CD1B: variants seen among roughly 807,000 people sequenced by gnomAD.
The protein encoded by CD1B is CD1b molecule.
CD1B carries 43 observed loss-of-function variants against 39.8 expected under a neutral mutation model. The observed-to-expected ratio is 1.08, with a 90% CI of 0.85 to 1.39. The LOEUF is 1.39. CD1B is among the 40% of genes most tolerant of loss of function. The pLI is 0.00. For synonymous variants in CD1B, 192 were observed against 152.5 expected, an observed-to-expected ratio of 1.26 and a Z score of -1.91; for missense variants, 495 against 403.8, an observed-to-expected ratio of 1.23 and a Z score of -1.94.
chr1:158,304,059 G>A, the CD1B span, among the ~76,000 whole-genome samples: 17 of 152,152 alleles, frequency 1.1e-4, no homozygotes, highest in Non-Finnish European at 2.1e-4. Context: ...TGAGGTACCC[G>A]GCTCATCTCA....
At chr1:158,308,877 C>G in the CD1B span, among the ~76,000 whole-genome samples, 2 of 152,100 alleles carry the variant, frequency 1.3e-5, no homozygotes, top group African/African-American at 4.8e-5. Flanking sequence ...CCGTAAAAAC[C>G]CTAGAAGAAA....
At chr1:158,322,756 C>A in the CD1B span, among the ~76,000 whole-genome samples, 2 of 152,104 alleles carry the variant, frequency 1.3e-5, no homozygotes, top group Non-Finnish European at 2.9e-5. Flanking sequence ...TTCTGAAGGA[C>A]ATATTTGCCA....
chr1:158,299,591 A>G, the CD1B span, among the ~76,000 whole-genome samples: 1 of 152,150 alleles, frequency 6.6e-6, no homozygotes, highest in Non-Finnish European at 1.5e-5. Flanking sequence ...CTTTAGTAGA[A>G]TTTGTCTGTG....
the CD1B span, among the ~76,000 whole-genome samples, chr1:158,312,685 T>G: frequency 6.6e-6 from 1 of 152,242 alleles, no homozygotes; most frequent in Non-Finnish European, 1.5e-5. Flanking sequence ...ATATTACTGC[T>G]TTTTGTATAT....
the CD1B span, chr1:158,292,536 T>G: frequency 9.6e-6 from 15 of 1,559,998 alleles, no homozygotes; most frequent in Admixed American, 1.7e-5. Flanking sequence ...TGGATGTGTG[T>G]ATGTGGATGT....
chr1:158,313,564 C>T, the CD1B span, among the ~76,000 whole-genome samples: 2 of 152,200 alleles, frequency 1.3e-5, no homozygotes, highest in African/African-American at 2.4e-5. Flanking sequence ...CCCTCCTTGG[C>T]TTCCCAAAGT....
rs138595375 is a variant in CD1B, at chr1:158,329,902, C to T, written c.557G>A (p.Arg186Gln). 2,788 of 1,614,000 alleles carry T rather than the reference C, an allele frequency of 1.7e-3. 7 individuals are homozygous for T. The highest frequency in any genetic ancestry group is 2.1e-3 in the Non-Finnish European group (2,505 of 1,179,978). ...VRILLYETCP[R>Q]YLLGVLNAGK... ...TGCATTGAGGACGCCCAAGAGATATCGGGGGCAGGTTTCATAGAGGAGAAT... is the reference window on the plus strand; with the variant it reads ...TGCATTGAGGACGCCCAAGAGATATTGGGGGCAGGTTTCATAGAGGAGAAT... Residue 186 changes from arginine (R) to glutamine (Q), a missense_variant, in exon 3 of 6, where the codon CGA (arginine) becomes CAA (glutamine). By Grantham distance (43) the Arg-to-Gln change is conservative. Transcript: ENST00000368168.
chr1:158,313,855 C>T, the CD1B span, among the ~76,000 whole-genome samples: 4 of 152,006 alleles, frequency 2.6e-5, no homozygotes, highest in Non-Finnish European at 4.4e-5. Flanking sequence ...TCATTATTGG[C>T]CTGTTTGAAT....
the CD1B span, among the ~76,000 whole-genome samples, chr1:158,319,938 G>A: frequency 6.6e-6 from 1 of 152,152 alleles, no homozygotes; most frequent in African/African-American, 2.4e-5. Flanking sequence ...GTGTCAGTGT[G>A]CCCCTGCTGG....
the CD1B span, among the ~76,000 whole-genome samples, chr1:158,315,101 A>G: frequency 2.6e-5 from 4 of 151,590 alleles, no homozygotes; most frequent in Admixed American, 6.6e-5. Flanking sequence ...ATTGTGAATA[A>G]TGCCGCAATA....
At chr1:158,308,751 A>G in the CD1B span, among the ~76,000 whole-genome samples, 1 of 152,230 alleles carries the variant, frequency 6.6e-6, no homozygotes, top group African/African-American at 2.4e-5. Flanking sequence ...TATTTAATAA[A>G]TGGTGCTGGG....
At chr1:158,317,271 G>A in the CD1B span, among the ~76,000 whole-genome samples, 1 of 151,940 alleles carries the variant, frequency 6.6e-6, no homozygotes, top group African/African-American at 2.4e-5. Context: ...GGTAGAATTC[G>A]GCTGTGAATC....
the CD1B span, among the ~76,000 whole-genome samples, chr1:158,319,033 G>A: frequency 1.2e-4 from 18 of 151,772 alleles, no homozygotes; most frequent in East Asian, 3.9e-4. Flanking sequence ...CAAGAGATCC[G>A]CTGTTAGTCT....
At chr1:158,294,292 G>C in the CD1B span, among the ~76,000 whole-genome samples, 9 of 152,200 alleles carry the variant, frequency 5.9e-5, no homozygotes, top group Non-Finnish European at 7.3e-5. Flanking sequence ...TGTTATCTGA[G>C]ATAGCCTTGG....
chr1:158,320,774 G>A, the CD1B span, among the ~76,000 whole-genome samples: 24 of 151,902 alleles, frequency 1.6e-4, no homozygotes, highest in African/African-American at 5.6e-4. Flanking sequence ...TGAACCACTG[G>A]TTGTTCAGCT....
chr1:158,305,167 G>A, the CD1B span, among the ~76,000 whole-genome samples: 2 of 152,146 alleles, frequency 1.3e-5, no homozygotes, highest in Middle Eastern at 3.4e-3. Flanking sequence ...CGAACTCATC[G>A]CAAAGAAGTT....
chr1:158,330,720 G>T, intron 2 of CD1B, 76 bp downstream of exon 2: 2 of 1,415,396 alleles, frequency 1.4e-6, no homozygotes, highest in Non-Finnish European at 2.0e-6. Context: ...AGAAGCATCA[G>T]AGAGAGCAAC....
the CD1B span, among the ~76,000 whole-genome samples, chr1:158,301,539 A>C: frequency 1.3e-5 from 2 of 151,892 alleles, no homozygotes; most frequent in South Asian, 4.2e-4. Flanking sequence ...TTTCTCCTTC[A>C]CTTATGATGC....
the CD1B span, among the ~76,000 whole-genome samples, chr1:158,309,042 G>A: frequency 6.6e-6 from 1 of 152,086 alleles, no homozygotes; most frequent in African/African-American, 2.4e-5. Flanking sequence ...GAGTGAACAG[G>A]CAACCTACAG....
Sources: gnomAD v4.1 joint callset for allele counts (sites outside exome capture counted in the v4.1 genomes callset) on GRCh38, gnomAD v4.1.1 for gene constraint, MANE v1.5 for transcripts, NCBI Gene and HGNC (gene_info 2026-07-23, HGNC 2026-07-21) for gene names.